PDE7B: variants seen among roughly 807,000 people sequenced by gnomAD.
PDE7B encodes 3',5'-cyclic-AMP phosphodiesterase 7B.
Under a neutral mutation model 56.2 loss-of-function variants are expected in PDE7B, and 29 were observed. That is an observed-to-expected ratio of 0.52 (90% confidence interval 0.38 to 0.70). PDE7B has a LOEUF of 0.70. Ranked by LOEUF, PDE7B falls within the 30% of genes least tolerant of loss-of-function variation. The probability of loss-of-function intolerance (pLI) is 0.00; values close to 1 mark genes in which losing one functional copy is unlikely to be tolerated. For synonymous variants in PDE7B, 197 were observed against 196.9 expected (o/e 1.00, Z 0.00); for missense variants, 490 against 565.0 (o/e 0.87, Z 1.35).
In PDE7B at chr6:136,187,044, G is replaced by C; in HGVS notation, c.1054G>C (p.Glu352Gln). 1 of 1,554,830 alleles carries C rather than the reference G, an allele frequency of 6.4e-7. No homozygotes were observed. Among genetic ancestry groups the C allele is most frequent in the Non-Finnish European group, 8.9e-7 (1 of 1,128,036 alleles). Reference protein sequence around the residue: ...CEEFYRQGELEQKFELEISPL... With the variant: ...CEEFYRQGELQQKFELEISPL... ...TCTTTCTTTCTTCTTAGGTGAACTT[G>C]AACAGAAATTTGAACTGGAAATCAG... is the stretch of plus-strand genomic sequence containing the variant. The change falls in exon 12 of 13, where the codon GAA becomes CAA. Residue 352 changes from glutamate to glutamine, a missense_variant. Transcript: ENST00000308191.
intron 2 of PDE7B, among the ~76,000 whole-genome samples, chr6:136,045,788 TA>T: frequency 6.6e-6 from 1 of 152,050 alleles, no homozygotes; most frequent in East Asian, 1.9e-4. Flanking sequence ...CAGAAAATTG[TA>T]AAATAAAATC....
chr6:136,148,412 G>T (rs1778453411), intron 4 of PDE7B, among the ~76,000 whole-genome samples: 1 of 132,354 alleles, frequency 7.6e-6, no homozygotes, highest in East Asian at 2.5e-4. Flanking sequence ...AAGAAGGAAA[G>T]GAAAAAGAAG....
intron 7 of PDE7B, 125 bp from the exon 8 acceptor site, chr6:136,155,502 G>T (rs1778588105): frequency 2.6e-6 from 2 of 768,262 alleles, no homozygotes; most frequent in Admixed American, 2.4e-5. Flanking sequence ...GCTTCAAAGG[G>T]TAAAGGTCTG....
chr6:136,145,419 C>T (rs1156396415), intron 3 of PDE7B, among the ~76,000 whole-genome samples: 2 of 152,050 alleles, frequency 1.3e-5, no homozygotes, highest in Admixed American at 6.6e-5. Flanking sequence ...ATACATTTTC[C>T]ATCCCTGCCC....
intron 2 of PDE7B, among the ~76,000 whole-genome samples, chr6:136,046,834 T>C (rs1776517555): frequency 6.6e-6 from 1 of 152,218 alleles, no homozygotes; most frequent in South Asian, 2.1e-4. Context: ...GTTAAGATTA[T>C]TGTCCTTCTG....
chr6:136,032,883 T>C (rs1252936177), intron 2 of PDE7B, among the ~76,000 whole-genome samples: 1 of 152,220 alleles, frequency 6.6e-6, no homozygotes, highest in Non-Finnish European at 1.5e-5. Context: ...TACCCATTTA[T>C]AGATAAGGCC....
intron 3 of PDE7B, chr6:136,112,601 T>C (rs1276371011): frequency 6.6e-6 from 1 of 152,166 alleles, no homozygotes; most frequent in Non-Finnish European, 1.5e-5. Flanking sequence ...CCAGTGTGTT[T>C]ATCTTTGTTA....
At chr6:135,945,445 G>GCTTT (rs1293607070) in intron 1 of PDE7B, among the ~76,000 whole-genome samples, 1 of 151,438 alleles carries the variant, frequency 6.6e-6, no homozygotes, top group African/African-American at 2.4e-5. Flanking sequence ...CACAAAAGCA[G>GCTTT]CTTTCTTTCT....
chr6:136,171,866 C>CTA (rs1216331447), intron 8 of PDE7B, among the ~76,000 whole-genome samples: 2 of 148,466 alleles, frequency 1.3e-5, no homozygotes, highest in Non-Finnish European at 3.0e-5. Context: ...CAATTCCCAC[C>CTA]TATGAGTGAG....
intron 2 of PDE7B, chr6:136,034,501 A>G (rs1776293840): frequency 1.3e-5 from 2 of 152,232 alleles, no homozygotes; most frequent in Non-Finnish European, 2.9e-5. Flanking sequence ...TGAGTAACTT[A>G]GTGCAGGGGC....
intron 1 of PDE7B, among the ~76,000 whole-genome samples, chr6:135,934,439 T>C (rs139152302): frequency 1.3e-5 from 2 of 151,896 alleles, no homozygotes; most frequent in African/African-American, 4.8e-5. Flanking sequence ...AATATATATA[T>C]ATTCGGGCCC....
intron 8 of PDE7B, among the ~76,000 whole-genome samples, chr6:136,156,304 C>G (rs1436030938): frequency 6.6e-6 from 1 of 152,040 alleles, no homozygotes; most frequent in Non-Finnish European, 1.5e-5. Flanking sequence ...ATCCCTCCAC[C>G]TCAGCCTCCC....
chr6:135,960,888 G>A (rs1317106028), intron 2 of PDE7B, among the ~76,000 whole-genome samples: 1 of 152,158 alleles, frequency 6.6e-6, no homozygotes, highest in Non-Finnish European at 1.5e-5. Context: ...CATGCATGCT[G>A]TTGCATATAG....
chr6:136,026,913 G>A (rs1776162085), intron 2 of PDE7B, among the ~76,000 whole-genome samples: 1 of 152,172 alleles, frequency 6.6e-6, no homozygotes, highest in East Asian at 1.9e-4. Context: ...CATATGTGTT[G>A]ATACCCTAAC....
intron 1 of PDE7B, among the ~76,000 whole-genome samples, chr6:135,922,415 G>C (rs796622163): frequency 9.9e-5 from 15 of 152,268 alleles, no homozygotes; most frequent in African/African-American, 3.4e-4. Flanking sequence ...TCCCAAGGGG[G>C]TGAGTCACTC....
intron 2 of PDE7B, among the ~76,000 whole-genome samples, chr6:135,970,557 T>C (rs536596163): frequency 6.6e-6 from 1 of 152,302 alleles, no homozygotes; most frequent in East Asian, 1.9e-4. Context: ...ATTAGGTCTA[T>C]TTAACAAGTT....
At chr6:136,009,143 G>T (rs1307161289) in intron 2 of PDE7B, among the ~76,000 whole-genome samples, 19 of 152,062 alleles carry the variant, frequency 1.2e-4, no homozygotes, top group Non-Finnish European at 2.6e-4. Flanking sequence ...TCAGATGGTT[G>T]TAGATATGTG....
intron 2 of PDE7B, among the ~76,000 whole-genome samples, chr6:136,089,365 C>A (rs1777347174): frequency 6.6e-6 from 1 of 152,096 alleles, no homozygotes; most frequent in Non-Finnish European, 1.5e-5. Flanking sequence ...TTCAAGCAGT[C>A]AATAAATAAA....
At chr6:136,143,760 C>T (rs1214684053) in intron 3 of PDE7B, among the ~76,000 whole-genome samples, 3 of 151,954 alleles carry the variant, frequency 2.0e-5, no homozygotes, top group South Asian at 2.1e-4. Context: ...CCATTATTTC[C>T]TATCATCTAC....
Sources: allele counts gnomAD v4.1 joint callset (sites outside exome capture counted in the v4.1 genomes callset), GRCh38; gene constraint gnomAD v4.1.1; transcripts MANE v1.5; gene names NCBI Gene and HGNC (gene_info 2026-07-23, HGNC 2026-07-21).